IMMP1L: variants seen among roughly 807,000 people sequenced by gnomAD.
The protein encoded by IMMP1L is inner mitochondrial membrane peptidase subunit 1.
IMMP1L carries 24 observed loss-of-function variants against 21.8 expected under a neutral mutation model. That is an observed-to-expected ratio of 1.10 (90% confidence interval 0.80 to 1.55). IMMP1L has a LOEUF of 1.55. Among genes scored for constraint, IMMP1L ranks in the 40% most tolerant of loss-of-function variants. The pLI is 0.00. For missense variants in IMMP1L, 195 were observed against 200.7 expected, an observed-to-expected ratio of 0.97 and a Z score of 0.17; for synonymous variants, 46 against 62.8, an observed-to-expected ratio of 0.73 and a Z score of 1.26.
intron 1 of IMMP1L, among the ~76,000 whole-genome samples, chr11:31,507,158 A>G (rs997010508): frequency 6.6e-6 from 1 of 151,668 alleles, no homozygotes. Context: ...GGGCGCCTGT[A>G]GTCCCAGCTA....
chr11:31,439,962 T>TATA lies in IMMP1L; in HGVS notation c.322-6393_322-6392insTAT, dbSNP rs1467197109. Among the ~76,000 whole-genome samples the TATA allele has an allele frequency of 4.4e-4, 67 of 152,292 alleles. 1 individual carries two copies. The highest frequency in any genetic ancestry group is 1.6e-3 in the African/African-American group (66 of 41,560). On this transcript the variant is annotated intron_variant, in intron 4 of 5. Coordinates refer to ENST00000532287, the MANE Select transcript of IMMP1L (RefSeq NM_001304274.2). ...GCAGTCATTCATTCCTCAGTCTCTT[T>TATA]AAGTTTCACCATAAGCAGGCACAAT...
intron 1 of IMMP1L, among the ~76,000 whole-genome samples, chr11:31,506,578 C>T (rs568329121): frequency 3.3e-5 from 5 of 149,322 alleles, no homozygotes; most frequent in Non-Finnish European, 3.0e-5. Flanking sequence ...TATTTATTCT[C>T]GTGTTTTATA....
chr11:31,492,719 G>A (rs527679260), intron 1 of IMMP1L, among the ~76,000 whole-genome samples: 1 of 152,286 alleles, frequency 6.6e-6, no homozygotes, highest in Admixed American at 6.5e-5. Flanking sequence ...ACACAATGAA[G>A]TGAATAGGGA....
rs750088762 is a variant in IMMP1L at position 31,479,901 on chromosome 11, A to C, written c.-29-16596T>G. On this transcript the variant is annotated intron_variant, in intron 1 of 5. Coordinates refer to ENST00000532287, the MANE Select transcript of IMMP1L (RefSeq NM_001304274.2). ...ATCTGGTAGATAAGCTTAGTAAAGAAAGTATAAAATCCTGTCATTTTAGCT... is the reference window on the plus strand; with the variant it reads ...ATCTGGTAGATAAGCTTAGTAAAGACAGTATAAAATCCTGTCATTTTAGCT... 3.3e-4 allele frequency among the ~76,000 whole-genome samples: 50 copies of C among 152,170 alleles called. No homozygotes were observed. The Middle Eastern group carries it at 0.01, about 31-fold the overall frequency.
chr11:31,499,143 T>G (rs1353619633), intron 1 of IMMP1L, among the ~76,000 whole-genome samples: 1 of 152,088 alleles, frequency 6.6e-6, no homozygotes, highest in Non-Finnish European at 1.5e-5. Flanking sequence ...GGTGCACGGA[T>G]CACGAGGTCA....
intron 1 of IMMP1L, among the ~76,000 whole-genome samples, chr11:31,490,345 G>A (rs935490477): frequency 2.0e-5 from 3 of 151,804 alleles, no homozygotes; most frequent in East Asian, 1.9e-4. Context: ...CGTGGCGCGC[G>A]CCTGTAATCC....
chr11:31,500,539 A>G (rs1955584345), intron 1 of IMMP1L, among the ~76,000 whole-genome samples: 1 of 151,946 alleles, frequency 6.6e-6, no homozygotes, highest in Admixed American at 6.6e-5. Flanking sequence ...TAATCTTCCT[A>G]AACTTTCAGG....
chr11:31,461,193 G>C (rs1260843652), intron 2 of IMMP1L, among the ~76,000 whole-genome samples: 1 of 152,152 alleles, frequency 6.6e-6, no homozygotes, highest in East Asian at 1.9e-4. Flanking sequence ...TATTCTCAGT[G>C]AGCTTATGCC....
At chr11:31,468,518 C>T (rs1310821199) in intron 1 of IMMP1L, among the ~76,000 whole-genome samples, 1 of 151,958 alleles carries the variant, frequency 6.6e-6, no homozygotes, top group African/African-American at 2.4e-5. Context: ...TTTTTTTCAG[C>T]TTTTTTTGTA....
At chr11:31,445,866 A>G (rs1953500641) in intron 4 of IMMP1L, among the ~76,000 whole-genome samples, 2 of 152,278 alleles carry the variant, frequency 1.3e-5, no homozygotes, top group South Asian at 4.1e-4. Context: ...AGAATGATCT[A>G]GGGCTGAGCG....
chr11:31,450,216 G>A (rs984147093), intron 4 of IMMP1L, among the ~76,000 whole-genome samples: 1 of 152,170 alleles, frequency 6.6e-6, no homozygotes, highest in Non-Finnish European at 1.5e-5. Flanking sequence ...AAAGGCACAT[G>A]TATGACTACA....
chr11:31,446,765 T>C (rs558912281), intron 4 of IMMP1L, among the ~76,000 whole-genome samples: 1 of 152,170 alleles, frequency 6.6e-6, no homozygotes, highest in Non-Finnish European at 1.5e-5. Flanking sequence ...AAAAATCCCA[T>C]CTAACCCAGT....
intron 1 of IMMP1L, among the ~76,000 whole-genome samples, chr11:31,495,453 G>A (rs1955400504): frequency 6.6e-6 from 1 of 152,088 alleles, no homozygotes; most frequent in Non-Finnish European, 1.5e-5. Context: ...CTAGCCTCAG[G>A]CATGCACAAA....
At chr11:31,500,612 A>ACACACACACACACACACACAC (rs1491094510) in intron 1 of IMMP1L, among the ~76,000 whole-genome samples, 1 of 145,100 alleles carries the variant, frequency 6.9e-6, no homozygotes, top group African/African-American at 2.7e-5. Context: ...CACACACACA[A>ACACACACACACACACACACAC]ACACACACAC....
chr11:31,456,630 A>G (rs926559876), intron 3 of IMMP1L, among the ~76,000 whole-genome samples: 72 of 152,086 alleles, frequency 4.7e-4, no homozygotes, highest in Admixed American at 4.5e-3. Flanking sequence ...AGAAGATTCT[A>G]AACTTTCAGA....
intron 1 of IMMP1L, among the ~76,000 whole-genome samples, chr11:31,474,388 T>G (rs1464146974): frequency 6.6e-6 from 1 of 152,174 alleles, no homozygotes; most frequent in Non-Finnish European, 1.5e-5. Flanking sequence ...CATTTCAAAA[T>G]CACCTTCAGG....
intron 1 of IMMP1L, among the ~76,000 whole-genome samples, chr11:31,498,217 C>T (rs1018870577): frequency 3.3e-5 from 5 of 151,966 alleles, no homozygotes; most frequent in Non-Finnish European, 4.4e-5. Context: ...ACCAAATGAC[C>T]TTTAATGTTA....
At chr11:31,486,024 T>C (rs1483550307) in intron 1 of IMMP1L, among the ~76,000 whole-genome samples, 4 of 151,626 alleles carry the variant, frequency 2.6e-5, no homozygotes, top group African/African-American at 9.7e-5. Flanking sequence ...GTGCAATAAC[T>C]ATGGGGGCTT....
intron 1 of IMMP1L, among the ~76,000 whole-genome samples, chr11:31,482,068 C>A (rs1954909774): frequency 1.3e-5 from 2 of 151,982 alleles, no homozygotes; most frequent in African/African-American, 4.8e-5. Context: ...ATTAAAACTG[C>A]ACATAAGGTG....
Sources: gnomAD v4.1 joint callset for allele counts (sites outside exome capture counted in the v4.1 genomes callset) on GRCh38, gnomAD v4.1.1 for gene constraint, MANE v1.5 for transcripts, NCBI Gene and HGNC (gene_info 2026-07-23, HGNC 2026-07-21) for gene names.